LOC128092253: variants seen among roughly 807,000 people sequenced by gnomAD.
chr6:133,957,693 C>CT, the LOC128092253 span, among the ~76,000 whole-genome samples: 1 of 152,200 alleles, frequency 6.6e-6, no homozygotes, highest in African/African-American at 2.4e-5. Context: ...CATGGCTGTG[C>CT]TTTTAATTAA....
At chr6:133,960,832 T>C in the LOC128092253 span, among the ~76,000 whole-genome samples, 47 of 152,270 alleles carry the variant, frequency 3.1e-4, no homozygotes, top group Middle Eastern at 0.01. Context: ...GTTAGAACCC[T>C]TGGGGATGAA....
the LOC128092253 span, among the ~76,000 whole-genome samples, chr6:133,959,088 G>A: frequency 1.3e-5 from 2 of 152,126 alleles, no homozygotes; most frequent in Non-Finnish European, 2.9e-5. Flanking sequence ...CACCCAGACT[G>A]GAGTGCGGTG....
the LOC128092253 span, among the ~76,000 whole-genome samples, chr6:133,969,366 A>G: frequency 1.3e-5 from 2 of 151,164 alleles, no homozygotes; most frequent in Non-Finnish European, 2.9e-5. Flanking sequence ...TTTTTTAACC[A>G]TAATTCACTT....
the LOC128092253 span, among the ~76,000 whole-genome samples, chr6:133,964,264 A>T: frequency 6.6e-6 from 1 of 152,116 alleles, no homozygotes; most frequent in Non-Finnish European, 1.5e-5. Flanking sequence ...TGAGTGACGC[A>T]CCCTTCAACC....
chr6:133,968,800 G>C, the LOC128092253 span: 1 of 152,254 alleles, frequency 6.6e-6, no homozygotes, highest in Non-Finnish European at 1.5e-5. Context: ...CTCCGCAGTA[G>C]CTGGGACTAC....
the LOC128092253 span, among the ~76,000 whole-genome samples, chr6:133,958,091 G>A: frequency 6.6e-6 from 1 of 152,174 alleles, no homozygotes; most frequent in Non-Finnish European, 1.5e-5. Context: ...GATGGCAGAT[G>A]GACTAAGTAA....
At chr6:133,972,794 G>C in the LOC128092253 span, among the ~76,000 whole-genome samples, 1 of 152,082 alleles carries the variant, frequency 6.6e-6, no homozygotes, top group Admixed American at 6.5e-5. Context: ...GAATCCATCT[G>C]TCAGTAATAG....
chr6:133,974,365 G>C, the LOC128092253 span, among the ~76,000 whole-genome samples: 1,283 of 152,220 alleles, frequency 8.4e-3, 38 homozygotes, highest in Admixed American at 0.062. Flanking sequence ...ATGGAGTCTT[G>C]CTCTGTCACC....
chr6:133,962,105 G>A, the LOC128092253 span, among the ~76,000 whole-genome samples: 2 of 152,150 alleles, frequency 1.3e-5, no homozygotes, highest in Non-Finnish European at 2.9e-5. Flanking sequence ...GTCTGTTATT[G>A]GAAGAGGAAT....
chr6:133,963,721 C>T, the LOC128092253 span, among the ~76,000 whole-genome samples: 1 of 151,910 alleles, frequency 6.6e-6, no homozygotes, highest in Admixed American at 6.6e-5. Flanking sequence ...CAGGCCTGTC[C>T]TTGTCTTTTT....
chr6:133,974,468 G>T, the LOC128092253 span, among the ~76,000 whole-genome samples: 1 of 152,094 alleles, frequency 6.6e-6, no homozygotes. Flanking sequence ...TGAGTAGCTG[G>T]GATTACAGGC....
chr6:133,960,358 A>G, the LOC128092253 span, among the ~76,000 whole-genome samples: 5 of 150,816 alleles, frequency 3.3e-5, no homozygotes, highest in East Asian at 3.9e-4. Flanking sequence ...TTAAAAAGCT[A>G]TATTGCTAAT....
At chr6:133,959,310 G>A in the LOC128092253 span, among the ~76,000 whole-genome samples, 1 of 152,050 alleles carries the variant, frequency 6.6e-6, no homozygotes, top group South Asian at 2.1e-4. Flanking sequence ...GGAGTGCTGG[G>A]ATTATGGGCA....
At chr6:133,966,108 A>ATG in the LOC128092253 span, among the ~76,000 whole-genome samples, 5 of 151,962 alleles carry the variant, frequency 3.3e-5, no homozygotes, top group East Asian at 3.9e-4. Context: ...GTGTGTGTGC[A>ATG]TGTGTGTGTG....
At chr6:133,973,032 C>T in the LOC128092253 span, among the ~76,000 whole-genome samples, 12 of 152,136 alleles carry the variant, frequency 7.9e-5, no homozygotes, top group South Asian at 2.1e-4. Context: ...CAAACAGATA[C>T]GAAAGAACAT....
chr6:133,972,887 A>G, the LOC128092253 span, among the ~76,000 whole-genome samples: 2 of 152,198 alleles, frequency 1.3e-5, no homozygotes, highest in Non-Finnish European at 2.9e-5. Context: ...CCTGTGAGGT[A>G]CAGGTGGTAT....
At chr6:133,968,644 T>A in the LOC128092253 span, among the ~76,000 whole-genome samples, 2 of 152,138 alleles carry the variant, frequency 1.3e-5, no homozygotes, top group African/African-American at 4.8e-5. Flanking sequence ...TTACAATTGA[T>A]GTCTACTGTC....
At chr6:133,971,124 T>G in the LOC128092253 span, among the ~76,000 whole-genome samples, 1 of 152,052 alleles carries the variant, frequency 6.6e-6, no homozygotes, top group African/African-American at 2.4e-5. Flanking sequence ...TAATCGCTCT[T>G]CTTTCTGCTT....
At chr6:133,979,987 AAT>A in the LOC128092253 span, 1 of 957,190 alleles carries the variant, frequency 1.0e-6, no homozygotes, top group East Asian at 3.2e-5. Flanking sequence ...AAAAATAAAT[AAT>A]ATAGATTCAT....
Sources: allele counts gnomAD v4.1 joint callset (sites outside exome capture counted in the v4.1 genomes callset), GRCh38; gene constraint gnomAD v4.1.1; transcripts MANE v1.5.